Variants in SGCD observed in about 807,000 individuals in gnomAD.
SGCD encodes sarcoglycan delta, also known as delta-sarcoglycan.
Under a neutral mutation model 36.6 loss-of-function variants are expected in SGCD, and 18 were observed. The observed-to-expected ratio is 0.49, with a 90% CI of 0.34 to 0.73. SGCD has a LOEUF of 0.73. Ranked by LOEUF, SGCD falls within the 30% of genes least tolerant of loss-of-function variation. The pLI is 0.01. For missense variants in SGCD, 387 were observed against 346.7 expected (o/e 1.12, Z -0.92); for synonymous variants, 133 against 130.6 (o/e 1.02, Z -0.12).
At chr5:156,691,455 A>C (rs1016544263) in intron 7 of SGCD, among the ~76,000 whole-genome samples, 1 of 152,074 alleles carries the variant, frequency 6.6e-6, no homozygotes, top group African/African-American at 2.4e-5. Context: ...AGGGTCAATA[A>C]ATTTTTTCTG....
At chr5:156,593,485 C>T (rs1760806026) in intron 5 of SGCD, among the ~76,000 whole-genome samples, 1 of 152,154 alleles carries the variant, frequency 6.6e-6, no homozygotes, top group East Asian at 1.9e-4. Flanking sequence ...ATCCCCCTAT[C>T]CTGGCTAATA....
At chr5:156,646,810 G>A (rs190212640) in intron 6 of SGCD, among the ~76,000 whole-genome samples, 10 of 152,246 alleles carry the variant, frequency 6.6e-5, no homozygotes, top group Non-Finnish European at 1.3e-4. Flanking sequence ...TGCAAATTTC[G>A]ACTGGTGTTG....
intron 3 of SGCD, among the ~76,000 whole-genome samples, chr5:156,401,761 T>TA (rs34971930): frequency 6.6e-6 from 1 of 151,914 alleles, no homozygotes; most frequent in South Asian, 2.1e-4. Context: ...TCCCTCTTTT[T>TA]AAAAAAAATT....
intron 7 of SGCD, among the ~76,000 whole-genome samples, chr5:156,698,243 C>T (rs114716745): frequency 2.5e-3 from 374 of 152,288 alleles, no homozygotes; most frequent in African/African-American, 8.1e-3. Flanking sequence ...CATGAAATCA[C>T]TCATAAGAAC....
At chr5:156,741,280 T>G (rs190913992) in intron 7 of SGCD, among the ~76,000 whole-genome samples, 1 of 152,298 alleles carries the variant, frequency 6.6e-6, no homozygotes, top group Non-Finnish European at 1.5e-5. Flanking sequence ...AAAAACAATT[T>G]CAACAAAAAA....
At chr5:156,056,953 G>A (rs1395892459) in intron 1 of SGCD, among the ~76,000 whole-genome samples, 1 of 145,996 alleles carries the variant, frequency 6.8e-6, no homozygotes, top group African/African-American at 2.5e-5. Context: ...ATCAAGACAG[G>A]GTGGAAACTA....
chr5:156,602,723 A>G (rs1761249787), intron 6 of SGCD, among the ~76,000 whole-genome samples: 1 of 152,050 alleles, frequency 6.6e-6, no homozygotes, highest in African/African-American at 2.4e-5. Flanking sequence ...CTTTCTTTCC[A>G]TTAACGTAGT....
intron 3 of SGCD, among the ~76,000 whole-genome samples, chr5:156,321,293 G>A (rs962573585): frequency 2.2e-4 from 33 of 151,938 alleles, no homozygotes; most frequent in African/African-American, 5.3e-4. Flanking sequence ...GGTGGTGGGC[G>A]CCTGTAGTCC....
At chr5:156,392,828 T>C (rs1771650748) in intron 3 of SGCD, among the ~76,000 whole-genome samples, 1 of 152,110 alleles carries the variant, frequency 6.6e-6, no homozygotes, top group Admixed American at 6.6e-5. Flanking sequence ...TGCTGGTCGG[T>C]GGCCTGCCAG....
intron 4 of SGCD, among the ~76,000 whole-genome samples, chr5:156,526,602 A>C (rs189742841): frequency 4.6e-5 from 7 of 152,284 alleles, no homozygotes; most frequent in Non-Finnish European, 4.4e-5. Flanking sequence ...CTTTGCTCAC[A>C]CATAAATTAT....
intron 3 of SGCD, among the ~76,000 whole-genome samples, chr5:156,194,593 A>G (rs1289824401): frequency 6.6e-6 from 1 of 152,242 alleles, no homozygotes; most frequent in East Asian, 1.9e-4. Flanking sequence ...ATTAAGTAAC[A>G]GAATAACAAA....
chr5:156,017,329 TTTA>T (rs1759007592), intron 1 of SGCD, among the ~76,000 whole-genome samples: 2 of 152,264 alleles, frequency 1.3e-5, no homozygotes, highest in South Asian at 4.1e-4. Context: ...AAAAGTTTTT[TTTA>T]TTTATTATTT....
intron 3 of SGCD, among the ~76,000 whole-genome samples, chr5:156,508,281 C>T (rs1177315579): frequency 6.6e-6 from 1 of 152,040 alleles, no homozygotes; most frequent in African/African-American, 2.4e-5. Flanking sequence ...CTTTTCTCTC[C>T]TCCTACTTAC....
chr5:155,832,338 T>A, the SGCD span, among the ~76,000 whole-genome samples: 1 of 152,190 alleles, frequency 6.6e-6, no homozygotes, highest in African/African-American at 2.4e-5. Context: ...GTTCTCCATA[T>A]GGTAGCAGCC....
At chr5:156,298,215 A>T (rs1766950231) in intron 3 of SGCD, among the ~76,000 whole-genome samples, 1 of 152,100 alleles carries the variant, frequency 6.6e-6, no homozygotes, top group Non-Finnish European at 1.5e-5. Context: ...TAAGGCTTGG[A>T]TATTGTGAAT....
chr5:156,275,555 T>C (rs1279539145), intron 3 of SGCD, among the ~76,000 whole-genome samples: 1 of 152,204 alleles, frequency 6.6e-6, no homozygotes, highest in Non-Finnish European at 1.5e-5. Context: ...GATGCATTAA[T>C]GAGTGGCAGT....
chr5:156,155,164 A>G (rs981496258), intron 3 of SGCD, among the ~76,000 whole-genome samples: 1 of 151,672 alleles, frequency 6.6e-6, no homozygotes, highest in Non-Finnish European at 1.5e-5. Context: ...TTAGAAATGT[A>G]GCCACCAAAG....
chr5:156,468,023 G>T (rs1754789704), intron 3 of SGCD, among the ~76,000 whole-genome samples: 1 of 152,146 alleles, frequency 6.6e-6, no homozygotes, highest in African/African-American at 2.4e-5. Flanking sequence ...ATTTAAGTCT[G>T]AGTTTTTATA....
At chr5:156,411,222 C>T (rs1026892442) in intron 3 of SGCD, among the ~76,000 whole-genome samples, 1 of 152,160 alleles carries the variant, frequency 6.6e-6, no homozygotes, top group Non-Finnish European at 1.5e-5. Context: ...TTAGGTCGCA[C>T]CATTTATTTC....
Sources: allele counts gnomAD v4.1 joint callset (sites outside exome capture counted in the v4.1 genomes callset), GRCh38; gene constraint gnomAD v4.1.1; transcripts MANE v1.5; gene names NCBI Gene and HGNC (gene_info 2026-07-23, HGNC 2026-07-21).